The following AUTS2 variants were observed in gnomAD, a reference collection of about 807,000 sequenced individuals.
AUTS2 encodes the protein autism susceptibility gene 2 protein.
Under a neutral mutation model 112.4 loss-of-function variants are expected in AUTS2, and 17 were observed. That is an observed-to-expected ratio of 0.15 (90% CI 0.10 to 0.23). The LOEUF is 0.23. AUTS2 is among the 10% of genes least tolerant of loss of function. AUTS2 has a pLI of 1.00. For missense variants in AUTS2, 1,510 were observed against 1,701.6 expected (o/e 0.89, Z 1.98); for synonymous variants, 751 against 702.7 (o/e 1.07, Z -1.09).
At chr7:69,910,429 C>T (rs901719762) in intron 2 of AUTS2, among the ~76,000 whole-genome samples, 1 of 152,124 alleles carries the variant, frequency 6.6e-6, no homozygotes, top group Admixed American at 6.5e-5. Flanking sequence ...TATATTAGTT[C>T]TTTTCCACGC....
chr7:70,117,099 C>CTTTTG (rs1562710040), intron 2 of AUTS2, among the ~76,000 whole-genome samples: 15 of 101,394 alleles, frequency 1.5e-4, no homozygotes, highest in Non-Finnish European at 2.4e-4. Context: ...CATGAGATGA[C>CTTTTG]TTTTGTTTTT....
chr7:70,182,762 G>A (rs1226398558), intron 4 of AUTS2, among the ~76,000 whole-genome samples: 1 of 150,602 alleles, frequency 6.6e-6, no homozygotes, highest in Non-Finnish European at 1.5e-5. Context: ...ACTGGCTTTA[G>A]TAAGAGAGAC....
intron 1 of AUTS2, among the ~76,000 whole-genome samples, chr7:69,799,105 T>A (rs970421696): frequency 2.0e-4 from 31 of 151,958 alleles, no homozygotes; most frequent in Non-Finnish European, 8.8e-5. Flanking sequence ...AGTGGATCAG[T>A]TTATGCCTTC....
At chr7:70,350,016 G>C (rs1791676400) in intron 4 of AUTS2, among the ~76,000 whole-genome samples, 3 of 152,190 alleles carry the variant, frequency 2.0e-5, no homozygotes, top group Non-Finnish European at 4.4e-5. Flanking sequence ...AACAGGAGAG[G>C]CTGGATTAGG....
rs1792261826 is a variant in AUTS2, at chr7:69,599,707, G to T, written c.54G>T (p.Ser18=). 8 of 1,324,526 alleles carry T rather than the reference G, an allele frequency of 6.0e-6. No individual in the cohort carries two copies. Among genetic ancestry groups the T allele is most frequent in the Admixed American group, 4.0e-5 (1 of 25,054 alleles). The allele number at this position is 1,324,526 out of a possible 1,614,324, so 82.0% of individuals were successfully genotyped here. A position where few individuals can be genotyped will look rare whatever the true frequency, so the allele number is the denominator to read the frequency against. ...HGLRKKRRSR[S]QRDRERRSRG... ...TCCGCAAAAAGCGGCGGTCGCGGTC[G>T]CAGCGAGACCGGGAGAGGCGCTCCC... Residue 18 remains serine, a synonymous_variant, in exon 1 of 19, where the codon TCG becomes TCT. Coordinates refer to ENST00000342771, the MANE Select transcript of AUTS2 (RefSeq NM_015570.4). This position sits in a 1 kb window ranked among gnomAD's most constrained non-coding sequence, Gnocchi z 7.0.
chr7:69,658,795 A>T (rs1018268724), intron 1 of AUTS2, among the ~76,000 whole-genome samples: 4 of 152,244 alleles, frequency 2.6e-5, no homozygotes, highest in Non-Finnish European at 5.9e-5. Context: ...TACCAGGGAA[A>T]TTCATTTAAA....
intron 1 of AUTS2, among the ~76,000 whole-genome samples, chr7:69,619,380 T>C (rs1333720705): frequency 6.6e-6 from 1 of 152,116 alleles, no homozygotes; most frequent in African/African-American, 2.4e-5. Flanking sequence ...AGTTATAGCA[T>C]TACCTTGGAA....
At chr7:70,323,804 T>C (rs181686243) in intron 4 of AUTS2, among the ~76,000 whole-genome samples, 1 of 152,220 alleles carries the variant, frequency 6.6e-6, no homozygotes, top group African/African-American at 2.4e-5. Context: ...CAGATGGTAA[T>C]GCCTTCTGAA....
At chr7:70,245,144 GTATATA>G (rs71077638) in intron 4 of AUTS2, among the ~76,000 whole-genome samples, 1 of 108,988 alleles carries the variant, frequency 9.2e-6, no homozygotes, top group Non-Finnish European at 1.7e-5. Context: ...GTGTGTGTGT[GTATATA>G]TATATATATA....
At chr7:70,658,583 C>T (rs534408062) in intron 5 of AUTS2, among the ~76,000 whole-genome samples, 23 of 152,252 alleles carry the variant, frequency 1.5e-4, no homozygotes, top group East Asian at 9.7e-4. Context: ...CCCTAAATTG[C>T]GAGAGGTACT....
intron 2 of AUTS2, among the ~76,000 whole-genome samples, chr7:69,930,289 T>C (rs1229424407): frequency 6.6e-6 from 1 of 152,144 alleles, no homozygotes; most frequent in Non-Finnish European, 1.5e-5. Flanking sequence ...GAACCCTCTG[T>C]AGATCTCCAG....
chr7:69,641,213 C>G lies in AUTS2; in HGVS notation c.309+41251C>G, dbSNP rs1016818621. Among the ~76,000 whole-genome samples the G allele has an allele frequency of 7.9e-5, 12 of 152,256 alleles. No homozygotes were observed. The South Asian group carries it at 2.3e-3, about 29-fold the overall frequency. The stretch of plus-strand genomic sequence containing the variant: ...ATGTGTAATGAACAGAAATAGGACA[C>G]AGGAAGGAATGGTATTTTCCCCTGG... On this transcript the variant is annotated intron_variant, in intron 1 of 18. Transcript: ENST00000342771.
intron 5 of AUTS2, among the ~76,000 whole-genome samples, chr7:70,655,958 T>C (rs1468379): frequency 0.71 from 107,330 of 152,014 alleles, 38,090 homozygotes; most frequent in South Asian, 0.85. Flanking sequence ...CCTGATTCCC[T>C]GTCAGTGCTT....
In AUTS2 at chr7:70,651,709, C is replaced by T. The variant is rs78628693; in HGVS notation, c.691-46860C>T. Among the ~76,000 whole-genome samples the T allele has an allele frequency of 2.8e-3, 431 of 152,220 alleles. 1 individual carries two copies. Among genetic ancestry groups the T allele is most frequent in the Non-Finnish European group, 5.1e-3 (345 of 68,024 alleles). ...TCATACCAGCATAAAGTCGAAAAATCGTAAGCTGAGCCATCGGAAGTTAGG... is the reference window on the plus strand; with the variant it reads ...TCATACCAGCATAAAGTCGAAAAATTGTAAGCTGAGCCATCGGAAGTTAGG... On this transcript the variant is annotated intron_variant, in intron 5 of 18. Transcript: ENST00000342771.
chr7:70,299,116 T>C (rs183119898), intron 4 of AUTS2, among the ~76,000 whole-genome samples: 7 of 152,372 alleles, frequency 4.6e-5, no homozygotes, highest in African/African-American at 1.7e-4. Flanking sequence ...TCTATAATCA[T>C]AATTAACTCT....
At chr7:69,861,400 A>C (rs549423099) in intron 1 of AUTS2, among the ~76,000 whole-genome samples, 106 of 152,300 alleles carry the variant, frequency 7.0e-4, no homozygotes, top group African/African-American at 2.5e-3. Context: ...GATGTTCCCT[A>C]TAAAGCAGCC....
chr7:69,954,877 T>A (rs1472896964), intron 2 of AUTS2, among the ~76,000 whole-genome samples: 1 of 152,188 alleles, frequency 6.6e-6, no homozygotes, highest in Non-Finnish European at 1.5e-5. Context: ...TATTTTAGGA[T>A]TATTAGAGCT....
intron 1 of AUTS2, among the ~76,000 whole-genome samples, chr7:69,717,104 G>A (rs967398244): frequency 1.3e-5 from 2 of 152,084 alleles, no homozygotes; most frequent in African/African-American, 4.8e-5. Context: ...TCAACTTTTA[G>A]CCTCCTCTCT....
At chr7:69,983,097 T>C (rs549037210) in intron 2 of AUTS2, among the ~76,000 whole-genome samples, 1 of 152,364 alleles carries the variant, frequency 6.6e-6, no homozygotes, top group East Asian at 1.9e-4. Flanking sequence ...CATTCTGTAC[T>C]AGGTTGTCTT....
Sources: allele counts gnomAD v4.1 joint callset (sites outside exome capture counted in the v4.1 genomes callset), GRCh38; gene constraint gnomAD v4.1.1; non-coding constraint Gnocchi (gnomAD v3.1); transcripts MANE v1.5; gene names NCBI Gene and HGNC (gene_info 2026-07-23, HGNC 2026-07-21).